Variants in CADM2 observed in about 807,000 individuals in gnomAD.
CADM2 encodes the protein immunoglobulin superfamily member 4D.
A neutral mutation model predicts 49.8 loss-of-function variants in CADM2; 12 were observed. The observed-to-expected ratio is 0.24, with a 90% CI of 0.15 to 0.39. CADM2 has a LOEUF of 0.39. Among genes scored for constraint, CADM2 ranks in the 10% least tolerant of loss-of-function variants. The pLI, the probability that CADM2 is intolerant of heterozygous loss-of-function variation, is 1.00. For missense variants in CADM2, 378 were observed against 492.3 expected (o/e 0.77, Z 2.20); for synonymous variants, 214 against 175.4 (o/e 1.22, Z -1.74).
At chr3:85,648,855 C>T (rs1239524758) in intron 1 of CADM2, among the ~76,000 whole-genome samples, 1 of 151,918 alleles carries the variant, frequency 6.6e-6, no homozygotes, top group Non-Finnish European at 1.5e-5. Context: ...TCAAAATAGT[C>T]GTTTTGGTTT....
intron 1 of CADM2, among the ~76,000 whole-genome samples, chr3:85,704,969 C>T (rs1393577241): frequency 1.3e-5 from 2 of 150,724 alleles, no homozygotes; most frequent in African/African-American, 4.9e-5. Flanking sequence ...CGCCATCCTA[C>T]TGCCTAAACC....
chr3:85,195,653 G>A (rs183324662), intron 1 of CADM2, among the ~76,000 whole-genome samples: 4 of 151,754 alleles, frequency 2.6e-5, no homozygotes, highest in African/African-American at 4.8e-5. Context: ...CTGCAACAAA[G>A]TAGGCTATAA....
intron 8 of CADM2, among the ~76,000 whole-genome samples, chr3:85,965,301 T>C (rs974824026): frequency 4.9e-5 from 7 of 143,866 alleles, no homozygotes; most frequent in African/African-American, 1.5e-4. Flanking sequence ...TATTTAAATA[T>C]AAATATTATG....
chr3:85,372,433 A>G (rs78530567), intron 1 of CADM2, among the ~76,000 whole-genome samples: 1 of 131,272 alleles, frequency 7.6e-6, no homozygotes, highest in African/African-American at 2.6e-5. Context: ...GTGTGTATAT[A>G]TGTATATATG....
chr3:85,665,657 A>T (rs753603642), intron 1 of CADM2, among the ~76,000 whole-genome samples: 1 of 151,942 alleles, frequency 6.6e-6, no homozygotes, highest in Non-Finnish European at 1.5e-5. Context: ...CTTTAAAAGC[A>T]TCCTTTGTCT....
chr3:85,629,450 C>T (rs1179271527), intron 1 of CADM2, among the ~76,000 whole-genome samples: 1 of 151,616 alleles, frequency 6.6e-6, no homozygotes, highest in African/African-American at 2.4e-5. Context: ...ACAATGTTTG[C>T]ATTGGTTAAA....
chr3:85,917,240 C>T (rs199705959), intron 6 of CADM2, among the ~76,000 whole-genome samples: 88 of 149,410 alleles, frequency 5.9e-4, no homozygotes, highest in South Asian at 8.5e-4. Context: ...GAAGTCCTTG[C>T]CCATGCCTGT....
At chr3:85,375,519 A>G (rs1434426710) in intron 1 of CADM2, among the ~76,000 whole-genome samples, 2 of 152,208 alleles carry the variant, frequency 1.3e-5, no homozygotes, top group African/African-American at 4.8e-5. Context: ...TATTACAAGT[A>G]TGTAAAAAAG....
At chr3:86,012,497 A>G in intron 8 of CADM2, 3 of 1,053,630 alleles carry the variant, frequency 2.8e-6, no homozygotes, top group Non-Finnish European at 2.6e-6. Context: ...GACCCGGACC[A>G]GCGGGCGGAC....
chr3:85,740,468 G>T (rs2068334536), intron 2 of CADM2, among the ~76,000 whole-genome samples: 2 of 151,876 alleles, frequency 1.3e-5, no homozygotes, highest in African/African-American at 2.4e-5. Flanking sequence ...TATTCTTTAG[G>T]TTTGTTATTT....
At chr3:85,411,341 C>G (rs1391178809) in intron 1 of CADM2, among the ~76,000 whole-genome samples, 1 of 152,152 alleles carries the variant, frequency 6.6e-6, no homozygotes, top group Non-Finnish European at 1.5e-5. Flanking sequence ...ACCTTGTGCA[C>G]TTCACCTGCT....
At chr3:85,100,137 C>A (rs1170095224) in intron 1 of CADM2, among the ~76,000 whole-genome samples, 1 of 152,122 alleles carries the variant, frequency 6.6e-6, no homozygotes, top group Non-Finnish European at 1.5e-5. Context: ...TATTTTAAAA[C>A]CTTCTCCAGT....
intron 1 of CADM2, among the ~76,000 whole-genome samples, chr3:85,361,375 A>T (rs1288749757): frequency 6.6e-6 from 1 of 152,072 alleles, no homozygotes. Context: ...GTTTCTTTTT[A>T]TTGTTTGCAT....
At chr3:85,848,336 T>G (rs1369652647) in intron 3 of CADM2, among the ~76,000 whole-genome samples, 8 of 152,164 alleles carry the variant, frequency 5.3e-5, no homozygotes, top group Admixed American at 5.2e-4. Context: ...TGTGATTTTA[T>G]TATTTTCCTT....
chr3:85,553,339 A>C (rs1379213972), intron 1 of CADM2, among the ~76,000 whole-genome samples: 1 of 152,128 alleles, frequency 6.6e-6, no homozygotes, highest in Non-Finnish European at 1.5e-5. Context: ...ACTATTCTTA[A>C]TTGTATACAA....
chr3:85,012,453 A>C (rs942822844), intron 1 of CADM2, among the ~76,000 whole-genome samples: 2 of 149,930 alleles, frequency 1.3e-5, no homozygotes, highest in Admixed American at 6.7e-5. Context: ...TATTTTTCAC[A>C]GTGCAAAATA....
intron 5 of CADM2, among the ~76,000 whole-genome samples, chr3:85,904,662 T>G (rs1199630514): frequency 6.6e-6 from 1 of 152,204 alleles, no homozygotes. Flanking sequence ...CTAGTTATGG[T>G]TGTTTAGCTG....
At chr3:85,097,781 T>C (rs536835821) in intron 1 of CADM2, among the ~76,000 whole-genome samples, 1 of 152,344 alleles carries the variant, frequency 6.6e-6, no homozygotes, top group African/African-American at 2.4e-5. Context: ...AGAAAAATAA[T>C]CTTCAAGTTG....
chr3:85,194,652 T>C (rs1389940201), intron 1 of CADM2, among the ~76,000 whole-genome samples: 1 of 152,128 alleles, frequency 6.6e-6, no homozygotes, highest in East Asian at 1.9e-4. Flanking sequence ...ATCTAGGTCA[T>C]AGAATCTGTG....
Sources: allele counts gnomAD v4.1 joint callset (sites outside exome capture counted in the v4.1 genomes callset), GRCh38; gene constraint gnomAD v4.1.1; transcripts MANE v1.5; gene names NCBI Gene and HGNC (gene_info 2026-07-23, HGNC 2026-07-21).